Variants in CADPS observed in about 807,000 individuals in gnomAD.
The protein encoded by CADPS is calcium dependent secretion activator.
CADPS carries 57 observed loss-of-function variants against 167.3 expected under a neutral mutation model. The ratio of observed to expected loss-of-function variants is 0.34; its 90% CI spans 0.28 to 0.42. The LOEUF (loss-of-function observed/expected upper bound fraction) is 0.42, where lower values mean the gene tolerates loss of function less well. CADPS is among the 20% of genes least tolerant of loss of function. The pLI is 1.00. For synonymous variants in CADPS, 676 were observed against 635.3 expected (o/e 1.06, Z -0.96); for missense variants, 1,414 against 1,738.1 (o/e 0.81, Z 3.32).
chr3:62,849,300 C>A (rs1405235081), intron 1 of CADPS, among the ~76,000 whole-genome samples: 1 of 147,170 alleles, frequency 6.8e-6, no homozygotes, highest in Non-Finnish European at 1.5e-5. Context: ...CTGGCCAGAA[C>A]TTCCAACACT....
chr3:62,593,108 A>T (rs1011513276), intron 6 of CADPS, among the ~76,000 whole-genome samples: 1 of 152,230 alleles, frequency 6.6e-6, no homozygotes, highest in African/African-American at 2.4e-5. Flanking sequence ...TCATTCATGG[A>T]AACTGCAGTT....
rs368637496 is a variant in CADPS, at chr3:62,460,241, C to T, written c.3636+5126G>A. Among the ~76,000 whole-genome samples the T allele has an allele frequency of 1.4e-4, 21 of 152,240 alleles. No individual in the cohort carries two copies. In the East Asian group the frequency reaches 1.5e-3, roughly 11 times the overall value. ...GCATGCATACACTTAGCACAGTGTC[C>T]GGCACATAGTATGTGTTCAATAAAC... is the stretch of plus-strand genomic sequence containing the variant. On this transcript the variant is annotated intron_variant, in intron 26 of 29. Coordinates refer to ENST00000383710, the MANE Select transcript of CADPS (RefSeq NM_003716.4).
chr3:62,695,379 G>C (rs2080073739), intron 3 of CADPS, among the ~76,000 whole-genome samples: 1 of 152,092 alleles, frequency 6.6e-6, no homozygotes, highest in African/African-American at 2.4e-5. Context: ...CCAGCAAACA[G>C]AAGTGGCCCT....
rs776227927 is a variant in CADPS at position 62,650,936 on chromosome 3, G to T, written c.1114C>A (p.Arg372Ser). The T allele has an allele frequency of 5.6e-6, 9 of 1,613,946 alleles. No homozygotes were observed. Among genetic ancestry groups the T allele is most frequent in the Admixed American group, 1.7e-5 (1 of 59,984 alleles). ...GGEFKLQKLK[R>S]SHNASIIDMG... is the part of the protein sequence containing the mutation. ...TCGATGATGGAAGCATTGTGGCTGC[G>T]TTTGAGTTTCTGGAGCTTGAACTCC... is the stretch of plus-strand genomic sequence containing the variant. The change falls in exon 5 of 30, where the codon CGC becomes AGC. Residue 372 changes from arginine (R) to serine (S), a missense_variant. This residue lies in a region of CADPS where 522 missense variants were observed against 559.5 expected (regional missense o/e 0.93). Coordinates refer to ENST00000383710, the MANE Select transcript of CADPS (RefSeq NM_003716.4).
chr3:62,417,315 T>C (rs1381425420), intron 28 of CADPS, among the ~76,000 whole-genome samples: 1 of 134,324 alleles, frequency 7.4e-6, no homozygotes, highest in African/African-American at 2.8e-5. Flanking sequence ...GAGACTGTCT[T>C]GCTCTGACGC....
intron 11 of CADPS, among the ~76,000 whole-genome samples, chr3:62,543,803 C>T (rs1278056843): frequency 3.3e-5 from 5 of 152,058 alleles, no homozygotes; most frequent in East Asian, 3.9e-4. Flanking sequence ...CTCCGTCTAA[C>T]GTCAAGTCTT....
intron 6 of CADPS, among the ~76,000 whole-genome samples, chr3:62,610,068 G>A (rs879911597): frequency 5.9e-5 from 9 of 151,820 alleles, no homozygotes; most frequent in Non-Finnish European, 1.2e-4. Flanking sequence ...CAGCCTGGGT[G>A]ACAGAGTGAG....
rs2058576301 is a variant in CADPS at position 62,455,412 on chromosome 3, T to C, written c.3637-9615A>G. Among the ~76,000 whole-genome samples, 1 of 152,116 alleles carries C rather than the reference T, an allele frequency of 6.6e-6. No individual in the cohort carries two copies. The highest frequency in any genetic ancestry group is 1.5e-5 in the Non-Finnish European group (1 of 68,034). On this transcript the variant is annotated intron_variant, in intron 26 of 29. Coordinates refer to ENST00000383710, the MANE Select transcript of CADPS (RefSeq NM_003716.4). The surrounding 1 kb of genome is among the most constrained non-coding windows in gnomAD (Gnocchi z 4.4). ...TGCTTACAGATGAGGAAACTGAGGCTCAGAGAGGTTAATCGACTTTTGAAA... is the reference window on the plus strand; with the variant it reads ...TGCTTACAGATGAGGAAACTGAGGCCCAGAGAGGTTAATCGACTTTTGAAA...
chr3:62,474,420 G>T, intron 23 of CADPS, 100 bp from the exon 24 acceptor site: 1 of 1,088,094 alleles, frequency 9.2e-7, no homozygotes, highest in Non-Finnish European at 1.4e-6. Flanking sequence ...ATTGAAGGCT[G>T]TAATCAGTTT....
chr3:62,654,784 G>A (rs2071122327), intron 4 of CADPS, among the ~76,000 whole-genome samples: 1 of 152,156 alleles, frequency 6.6e-6, no homozygotes, highest in Non-Finnish European at 1.5e-5. Context: ...GGGGAACTTG[G>A]TAAGTGGGGA....
chr3:62,822,642 G>A (rs543327437), intron 1 of CADPS, among the ~76,000 whole-genome samples: 3 of 152,222 alleles, frequency 2.0e-5, no homozygotes, highest in African/African-American at 7.2e-5. Flanking sequence ...AGGAGTTCGA[G>A]ACCAGCCTGG....
At chr3:62,512,838 G>C (rs1458385171) in intron 16 of CADPS, 70 bp from the exon 17 acceptor site, 1 of 1,363,466 alleles carries the variant, frequency 7.3e-7, no homozygotes, top group East Asian at 2.4e-5. Context: ...GAATTAATGA[G>C]CAAGTGGACC....
At chr3:62,837,105 T>C (rs553589803) in intron 1 of CADPS, among the ~76,000 whole-genome samples, 1 of 152,348 alleles carries the variant, frequency 6.6e-6, no homozygotes, top group East Asian at 1.9e-4. Flanking sequence ...TTAATAAATA[T>C]GTTAATATTG....
chr3:62,669,098 C>T (rs761694622), intron 3 of CADPS, among the ~76,000 whole-genome samples: 24 of 152,194 alleles, frequency 1.6e-4, no homozygotes, highest in Non-Finnish European at 2.2e-4. Flanking sequence ...ACAGGGGTCT[C>T]TATAAGCAGC....
intron 26 of CADPS, among the ~76,000 whole-genome samples, chr3:62,463,325 C>G (rs975095605): frequency 6.6e-6 from 1 of 152,128 alleles, no homozygotes; most frequent in Admixed American, 6.5e-5. Context: ...CTGAGTTTCA[C>G]AGGTTCAAGT....
intron 6 of CADPS, among the ~76,000 whole-genome samples, chr3:62,609,533 T>C (rs990818484): frequency 4.6e-5 from 7 of 152,206 alleles, no homozygotes; most frequent in African/African-American, 1.7e-4. Context: ...TGTAGTTAGA[T>C]GGCCTCATTT....
At chr3:62,474,432 A>G in intron 23 of CADPS, 112 bp from the exon 24 acceptor site, 1 of 955,778 alleles carries the variant, frequency 1.0e-6, no homozygotes, top group Non-Finnish European at 1.6e-6. Context: ...AATCAGTTTC[A>G]GTCAACAATG....
At chr3:62,426,302 T>C (rs1193845397) in intron 28 of CADPS, among the ~76,000 whole-genome samples, 1 of 152,122 alleles carries the variant, frequency 6.6e-6, no homozygotes, top group Non-Finnish European at 1.5e-5. Context: ...AGGCATGCGC[T>C]GCCATGCTCA....
chr3:62,468,627 G>C (rs1284363528), intron 24 of CADPS, among the ~76,000 whole-genome samples: 1 of 152,126 alleles, frequency 6.6e-6, no homozygotes, highest in Non-Finnish European at 1.5e-5. Context: ...ATGGAAATAT[G>C]ATGATTTATG....
Sources: gnomAD v4.1 joint callset for allele counts (sites outside exome capture counted in the v4.1 genomes callset) on GRCh38, gnomAD v4.1.1 for gene constraint, gnomAD v4.1.1 regional missense constraint, Gnocchi (gnomAD v3.1) non-coding constraint, MANE v1.5 for transcripts, NCBI Gene and HGNC (gene_info 2026-07-23, HGNC 2026-07-21) for gene names.